TAFA2: variants seen among roughly 807,000 people sequenced by gnomAD.
TAFA2 encodes the protein chemokine-like protein TAFA-2.
Under a neutral mutation model 18.8 loss-of-function variants are expected in TAFA2, and 7 were observed. The ratio of observed to expected loss-of-function variants is 0.37; its 90% CI spans 0.21 to 0.70. The LOEUF (loss-of-function observed/expected upper bound fraction) is 0.70, where lower values mean the gene tolerates loss of function less well. TAFA2 is among the 30% of genes least tolerant of loss of function. TAFA2 has a pLI of 0.53. For synonymous variants in TAFA2, 60 were observed against 54.2 expected, an observed-to-expected ratio of 1.11 and a Z score of -0.47; for missense variants, 122 against 158.1, an observed-to-expected ratio of 0.77 and a Z score of 1.23.
chr12:62,113,465 C>T (rs1869825068), intron 1 of TAFA2, among the ~76,000 whole-genome samples: 1 of 152,096 alleles, frequency 6.6e-6, no homozygotes, highest in Non-Finnish European at 1.5e-5. Flanking sequence ...ACAGGAGGCA[C>T]GGAGTTCAGG....
chr12:62,231,225 TATGTTTGCTTTATATATTCTATA>T (rs2136983994), intron 1 of TAFA2, among the ~76,000 whole-genome samples: 1 of 152,364 alleles, frequency 6.6e-6, no homozygotes, highest in African/African-American at 2.4e-5. Context: ...TATATATTTA[TATGTTTGCTTTATATATTCTATA>T]ATGTTTGCTC....
intron 1 of TAFA2, among the ~76,000 whole-genome samples, chr12:61,989,600 C>G (rs1023873781): frequency 6.6e-6 from 1 of 152,124 alleles, no homozygotes; most frequent in East Asian, 1.9e-4. Flanking sequence ...AGCCAGGGCC[C>G]GCTCACGGCT....
chr12:61,813,347 T>A (rs1378792677), intron 2 of TAFA2, among the ~76,000 whole-genome samples: 1 of 151,404 alleles, frequency 6.6e-6, no homozygotes, highest in Admixed American at 6.6e-5. Context: ...TATCTTTTTC[T>A]TACTTATTTT....
At chr12:61,814,357 A>T (rs1211632874) in intron 2 of TAFA2, among the ~76,000 whole-genome samples, 1 of 151,346 alleles carries the variant, frequency 6.6e-6, no homozygotes, top group Non-Finnish European at 1.5e-5. Context: ...GAGCCCCATG[A>T]TTCAGGGCCT....
chr12:62,005,858 A>T (rs1880530413), intron 1 of TAFA2, among the ~76,000 whole-genome samples: 1 of 152,156 alleles, frequency 6.6e-6, no homozygotes, highest in Admixed American at 6.5e-5. Flanking sequence ...TCTGATTCGT[A>T]TATCTGCCAA....
intron 1 of TAFA2, among the ~76,000 whole-genome samples, chr12:61,970,490 T>C (rs1565700371): frequency 6.6e-6 from 1 of 150,690 alleles, no homozygotes; most frequent in Non-Finnish European, 1.5e-5. Context: ...GGATAACACA[T>C]CTGGGACACA....
At chr12:62,149,619 A>C (rs968869580) in intron 1 of TAFA2, among the ~76,000 whole-genome samples, 2 of 149,732 alleles carry the variant, frequency 1.3e-5, no homozygotes, top group African/African-American at 2.4e-5. Flanking sequence ...GACTTATCAA[A>C]TGAGAATAAA....
chr12:61,815,442 G>A (rs1046558732), intron 2 of TAFA2, among the ~76,000 whole-genome samples: 8 of 151,298 alleles, frequency 5.3e-5, no homozygotes, highest in East Asian at 3.9e-4. Flanking sequence ...CGAGCTGGGC[G>A]GATCACGAGG....
At chr12:62,116,240 G>A (rs1034837203) in intron 1 of TAFA2, among the ~76,000 whole-genome samples, 1 of 152,154 alleles carries the variant, frequency 6.6e-6, no homozygotes, top group African/African-American at 2.4e-5. Flanking sequence ...TGAGATGCAC[G>A]AAGCCCATGT....
intron 2 of TAFA2, among the ~76,000 whole-genome samples, chr12:61,819,764 T>C (rs187743021): frequency 6.6e-6 from 1 of 152,216 alleles, no homozygotes; most frequent in Admixed American, 6.5e-5. Context: ...AGAAACAACT[T>C]CTGGTTTCCA....
At chr12:62,026,189 T>C (rs1252078942) in intron 1 of TAFA2, among the ~76,000 whole-genome samples, 1 of 152,196 alleles carries the variant, frequency 6.6e-6, no homozygotes, top group African/African-American at 2.4e-5. Context: ...AACCCTCTGA[T>C]ACACTAATGT....
intron 1 of TAFA2, among the ~76,000 whole-genome samples, chr12:61,908,327 C>T (rs902847527): frequency 6.6e-6 from 1 of 152,006 alleles, no homozygotes; most frequent in African/African-American, 2.4e-5. Context: ...TGAATAAATG[C>T]CATGAAATCT....
chr12:61,878,886 C>T lies in TAFA2; in HGVS notation c.-1-11460G>A, dbSNP rs866187829. 5.9e-5 allele frequency among the ~76,000 whole-genome samples: 9 copies of T among 152,246 alleles called. No homozygotes were observed. In the Middle Eastern group the frequency reaches 0.01, roughly 173 times the overall value. ...TACTAAGAACTTTTACATCTGTGAC[C>T]ATCCTTGGTTCACATGATCATGAGG... On this transcript the variant is annotated intron_variant, in intron 1 of 4. Transcript: ENST00000416284.
chr12:62,083,907 AC>A (rs1420865797), intron 1 of TAFA2, among the ~76,000 whole-genome samples: 1 of 152,072 alleles, frequency 6.6e-6, no homozygotes, highest in Non-Finnish European at 1.5e-5. Context: ...TTCTTCCCAC[AC>A]TGCTGTTATT....
intron 1 of TAFA2, among the ~76,000 whole-genome samples, chr12:62,102,779 G>A (rs747452893): frequency 6.6e-6 from 1 of 152,160 alleles, no homozygotes; most frequent in African/African-American, 2.4e-5. Flanking sequence ...TATTACGGTA[G>A]AGGAAAAATA....
chr12:62,159,581 T>C (rs1240115785), intron 1 of TAFA2, among the ~76,000 whole-genome samples: 1 of 152,158 alleles, frequency 6.6e-6, no homozygotes, highest in East Asian at 1.9e-4. Flanking sequence ...AAACTAAACT[T>C]AGTCCAATCA....
intron 1 of TAFA2, among the ~76,000 whole-genome samples, chr12:61,986,487 T>C (rs1879823316): frequency 6.6e-6 from 1 of 151,640 alleles, no homozygotes; most frequent in African/African-American, 2.4e-5. Flanking sequence ...TTAGTAGAAA[T>C]GGGATTTCGC....
At chr12:62,105,948 C>T (rs1344003940) in intron 1 of TAFA2, among the ~76,000 whole-genome samples, 1 of 152,156 alleles carries the variant, frequency 6.6e-6, no homozygotes, top group East Asian at 1.9e-4. Context: ...TAACAGAGTT[C>T]CTATTTAATG....
intron 2 of TAFA2, among the ~76,000 whole-genome samples, chr12:61,779,540 C>G (rs558906372): frequency 5.9e-5 from 9 of 151,938 alleles, no homozygotes; most frequent in Admixed American, 5.9e-4. Flanking sequence ...CTGAAGTGTT[C>G]TGCTAAAGCC....
Sources: gnomAD v4.1 joint callset for allele counts (sites outside exome capture counted in the v4.1 genomes callset) on GRCh38, gnomAD v4.1.1 for gene constraint, MANE v1.5 for transcripts, NCBI Gene and HGNC (gene_info 2026-07-23, HGNC 2026-07-21) for gene names.